NKAIN2: variants seen among roughly 807,000 people sequenced by gnomAD.
NKAIN2 encodes sodium/potassium-transporting ATPase subunit beta-1-interacting protein 2.
A neutral mutation model predicts 32.6 loss-of-function variants in NKAIN2; 14 were observed. That is an observed-to-expected ratio of 0.43 (90% confidence interval 0.28 to 0.67). NKAIN2 has a LOEUF of 0.67. NKAIN2 is among the 30% of genes least tolerant of loss of function. NKAIN2 has a pLI of 0.17. For synonymous variants in NKAIN2, 80 were observed against 87.2 expected (o/e 0.92, Z 0.46); for missense variants, 198 against 258.3 (o/e 0.77, Z 1.60).
intron 3 of NKAIN2, among the ~76,000 whole-genome samples, chr6:124,374,256 T>C (rs1221238809): frequency 6.6e-6 from 1 of 151,734 alleles, no homozygotes; most frequent in African/African-American, 2.4e-5. Context: ...TGTGCTTCAG[T>C]AAAATGAGTC....
chr6:124,783,803 T>G (rs1187292707), intron 4 of NKAIN2, among the ~76,000 whole-genome samples: 1 of 152,174 alleles, frequency 6.6e-6, no homozygotes, highest in Non-Finnish European at 1.5e-5. Context: ...CAAGTAAAAA[T>G]CATCTGCAAC....
intron 1 of NKAIN2, among the ~76,000 whole-genome samples, chr6:124,225,559 T>C (rs1449332815): frequency 6.6e-6 from 1 of 152,012 alleles, no homozygotes. Context: ...TTCTTATAAC[T>C]TGTAATTTGG....
chr6:124,422,614 G>A (rs1774806476), intron 3 of NKAIN2, among the ~76,000 whole-genome samples: 1 of 152,002 alleles, frequency 6.6e-6, no homozygotes, highest in Non-Finnish European at 1.5e-5. Context: ...GAATTAAATG[G>A]ATTTTGTCTT....
chr6:124,075,586 T>G (rs9320975), intron 1 of NKAIN2, among the ~76,000 whole-genome samples: 8,607 of 152,138 alleles, frequency 0.057, 311 homozygotes, highest in East Asian at 0.16. Flanking sequence ...AGGAAGTATG[T>G]TACTTTATTT....
chr6:124,812,571 G>A (rs2114863596), intron 5 of NKAIN2, among the ~76,000 whole-genome samples: 1 of 152,228 alleles, frequency 6.6e-6, no homozygotes, highest in South Asian at 2.1e-4. Context: ...GCTGAGTGAG[G>A]AGAAAGAAAT....
chr6:124,236,732 T>C (rs1342975406), intron 1 of NKAIN2, among the ~76,000 whole-genome samples: 1 of 152,074 alleles, frequency 6.6e-6, no homozygotes, highest in African/African-American at 2.4e-5. Flanking sequence ...AAAAGGCAAC[T>C]CGGATGGTGG....
chr6:124,396,683 T>C (rs61163357), intron 3 of NKAIN2, among the ~76,000 whole-genome samples: 1 of 152,016 alleles, frequency 6.6e-6, no homozygotes, highest in Non-Finnish European at 1.5e-5. Context: ...AGAATGTGTA[T>C]AGATGGAAAG....
At chr6:124,305,718 T>C (rs1348305892) in intron 2 of NKAIN2, among the ~76,000 whole-genome samples, 2 of 152,188 alleles carry the variant, frequency 1.3e-5, no homozygotes, top group East Asian at 1.9e-4. Context: ...TTCTATCTTA[T>C]GTTCTTAGCT....
intron 5 of NKAIN2, among the ~76,000 whole-genome samples, chr6:124,799,071 T>C (rs1780139436): frequency 6.6e-6 from 1 of 152,202 alleles, no homozygotes; most frequent in Admixed American, 6.5e-5. Flanking sequence ...GAATAAGTAA[T>C]TTGAATAAAG....
chr6:124,756,383 A>C (rs1327159338), intron 4 of NKAIN2, among the ~76,000 whole-genome samples: 1 of 152,098 alleles, frequency 6.6e-6, no homozygotes, highest in Admixed American at 6.6e-5. Flanking sequence ...TTGTTTTGGA[A>C]GAGGGAGGAA....
chr6:124,239,791 C>T (rs776078832), intron 1 of NKAIN2, among the ~76,000 whole-genome samples: 16 of 152,020 alleles, frequency 1.1e-4, no homozygotes, highest in Non-Finnish European at 1.6e-4. Flanking sequence ...CTGGAGAAAG[C>T]GGGAAAGATC....
chr6:124,531,822 C>A (rs1197713228), intron 3 of NKAIN2, among the ~76,000 whole-genome samples: 1 of 152,158 alleles, frequency 6.6e-6, no homozygotes, highest in Non-Finnish European at 1.5e-5. Context: ...AGGCATGCGC[C>A]ACCATGCCCA....
chr6:124,441,459 C>G (rs1034662999), intron 3 of NKAIN2, among the ~76,000 whole-genome samples: 4 of 152,022 alleles, frequency 2.6e-5, no homozygotes, highest in Admixed American at 6.6e-5. Flanking sequence ...ACGTGACTTA[C>G]AAAGCCAGAT....
At chr6:124,498,560 T>G (rs1203894975) in intron 3 of NKAIN2, among the ~76,000 whole-genome samples, 1 of 152,166 alleles carries the variant, frequency 6.6e-6, no homozygotes, top group Non-Finnish European at 1.5e-5. Context: ...TCAGCTAGAT[T>G]ATGACAGAAC....
At chr6:123,871,132 A>G (rs1182394113) in intron 1 of NKAIN2, among the ~76,000 whole-genome samples, 1 of 152,090 alleles carries the variant, frequency 6.6e-6, no homozygotes, top group Non-Finnish European at 1.5e-5. Context: ...CGATGTCCCT[A>G]TCTTACCAAT....
chr6:124,457,859 A>G (rs1776382674), intron 3 of NKAIN2, among the ~76,000 whole-genome samples: 1 of 151,944 alleles, frequency 6.6e-6, no homozygotes, highest in African/African-American at 2.4e-5. Context: ...TGTTGGGAGC[A>G]CCATTTATTT....
intron 3 of NKAIN2, among the ~76,000 whole-genome samples, chr6:124,372,743 A>G (rs1345581937): frequency 1.3e-5 from 2 of 152,156 alleles, no homozygotes; most frequent in Middle Eastern, 3.2e-3. Context: ...CTTTTTCATT[A>G]TGATTCTAAT....
intron 1 of NKAIN2, among the ~76,000 whole-genome samples, chr6:124,035,752 G>A (rs772798316): frequency 9.2e-5 from 14 of 152,026 alleles, no homozygotes; most frequent in African/African-American, 2.9e-4. Context: ...AAACCCTGCC[G>A]TGTTTCAAAG....
At chr6:124,498,027 C>T (rs750728681) in intron 3 of NKAIN2, among the ~76,000 whole-genome samples, 5 of 151,998 alleles carry the variant, frequency 3.3e-5, no homozygotes, top group African/African-American at 7.2e-5. Context: ...CTACCAAATG[C>T]CCAAATCAAC....
Sources: gnomAD v4.1 joint callset for allele counts (sites outside exome capture counted in the v4.1 genomes callset) on GRCh38, gnomAD v4.1.1 for gene constraint, MANE v1.5 for transcripts, NCBI Gene and HGNC (gene_info 2026-07-23, HGNC 2026-07-21) for gene names.